Variants in SCRN1 observed in about 807,000 individuals in gnomAD.
SCRN1 encodes secernin-1.
In SCRN1, 19 loss-of-function variants were observed where a neutral mutation model predicts 43.3. That is an observed-to-expected ratio of 0.44 (90% CI 0.31 to 0.64). The LOEUF (loss-of-function observed/expected upper bound fraction) is 0.64. Ranked by LOEUF, SCRN1 falls within the 30% of genes least tolerant of loss-of-function variation. SCRN1 has a pLI of 0.09. For synonymous variants in SCRN1, 183 were observed against 188.9 expected, an observed-to-expected ratio of 0.97 and a Z score of 0.26; for missense variants, 447 against 524.1, an observed-to-expected ratio of 0.85 and a Z score of 1.44.
chr7:29,937,581 T>G (rs1228897692), intron 5 of SCRN1, among the ~76,000 whole-genome samples: 1 of 152,134 alleles, frequency 6.6e-6, no homozygotes, highest in Non-Finnish European at 1.5e-5. Context: ...TCCACCAAAC[T>G]CGCTCCCATA....
chr7:29,933,858 T>G (rs964719329), intron 6 of SCRN1, among the ~76,000 whole-genome samples: 1 of 152,186 alleles, frequency 6.6e-6, no homozygotes, highest in African/African-American at 2.4e-5. Flanking sequence ...CGTTTTTTGG[T>G]TTTAACATTA....
chr7:29,952,398 G>C (rs1787971563), intron 3 of SCRN1, among the ~76,000 whole-genome samples: 1 of 152,142 alleles, frequency 6.6e-6, no homozygotes, highest in African/African-American at 2.4e-5. Context: ...TCATTAAAAA[G>C]GAAATCTGGG....
intron 3 of SCRN1, among the ~76,000 whole-genome samples, chr7:29,954,112 T>C (rs780923627): frequency 7.2e-5 from 11 of 152,152 alleles, no homozygotes; most frequent in Non-Finnish European, 1.6e-4. Flanking sequence ...CAGTTATTGA[T>C]CACTCATTAC....
chr7:29,934,165 G>T (rs1787248061), intron 6 of SCRN1, among the ~76,000 whole-genome samples: 1 of 152,176 alleles, frequency 6.6e-6, no homozygotes, highest in Admixed American at 6.5e-5. Context: ...TTCCAGAAGG[G>T]TCTTAATCTT....
chr7:29,935,172 G>C (rs11762030), intron 6 of SCRN1, among the ~76,000 whole-genome samples: 1 of 152,148 alleles, frequency 6.6e-6, no homozygotes, highest in African/African-American at 2.4e-5. Context: ...TTGAATGAAC[G>C]AGTGAATGAA....
At chr7:29,964,856 C>T (rs566539133) in intron 2 of SCRN1, among the ~76,000 whole-genome samples, 4 of 152,142 alleles carry the variant, frequency 2.6e-5, no homozygotes, top group South Asian at 2.1e-4. Flanking sequence ...GCAAGAGCAT[C>T]GCTTGAACCC....
intron 6 of SCRN1, among the ~76,000 whole-genome samples, chr7:29,935,300 CCT>C (rs1337355108): frequency 6.6e-6 from 1 of 152,170 alleles, no homozygotes; most frequent in East Asian, 1.9e-4. Flanking sequence ...TCACTTTTCC[CCT>C]GAGTCATCTA....
At chr7:29,957,280 G>C (rs1788166208) in intron 2 of SCRN1, among the ~76,000 whole-genome samples, 1 of 152,170 alleles carries the variant, frequency 6.6e-6, no homozygotes, top group Non-Finnish European at 1.5e-5. Context: ...CTTTTGGCTG[G>C]GGAGGAAGGC....
chr7:29,978,894 G>GT (rs1372923750), intron 1 of SCRN1, among the ~76,000 whole-genome samples: 1 of 152,152 alleles, frequency 6.6e-6, no homozygotes, highest in Non-Finnish European at 1.5e-5. Flanking sequence ...ATTTATTGTC[G>GT]TGATTCATGT....
At chr7:29,927,600 G>A (rs1021758645) in intron 6 of SCRN1, among the ~76,000 whole-genome samples, 5 of 152,206 alleles carry the variant, frequency 3.3e-5, no homozygotes, top group Non-Finnish European at 5.9e-5. Flanking sequence ...GGCAGCACCT[G>A]CAATAACAGC....
chr7:29,960,755 G>C (rs1451642059), intron 2 of SCRN1, among the ~76,000 whole-genome samples: 1 of 152,114 alleles, frequency 6.6e-6, no homozygotes, highest in East Asian at 1.9e-4. Context: ...AATCCAGGAA[G>C]TTATTCCTCT....
intron 1 of SCRN1, among the ~76,000 whole-genome samples, chr7:29,975,214 A>G (rs1357525672): frequency 6.6e-6 from 1 of 152,258 alleles, no homozygotes; most frequent in Non-Finnish European, 1.5e-5. Context: ...AAAGTAGAAT[A>G]TAAGCATTTG....
Position 29,935,523 on chromosome 7 carries a change from G to T in SCRN1, c.905+1033C>A, listed in dbSNP as rs377376143. On this transcript the variant is annotated intron_variant, in intron 6 of 7. Transcript: ENST00000242059. ...AAAACACCAGAGAACCTACTGGAAT[G>T]GGCAGGCTTCTAGAGCCTTCTAGGC... 6.6e-5 allele frequency among the ~76,000 whole-genome samples: 10 copies of T among 152,228 alleles called. No homozygotes were observed. The East Asian group carries it at 9.6e-4, about 15-fold the overall frequency.
intron 1 of SCRN1, among the ~76,000 whole-genome samples, chr7:29,975,591 C>G (rs2127927728): frequency 6.6e-6 from 1 of 152,330 alleles, no homozygotes; most frequent in South Asian, 2.1e-4. Flanking sequence ...GCCAGAAACT[C>G]TAATTTTAAG....
chr7:29,952,012 G>A (rs1192049301), intron 3 of SCRN1, among the ~76,000 whole-genome samples: 3 of 152,206 alleles, frequency 2.0e-5, no homozygotes, highest in Non-Finnish European at 4.4e-5. Flanking sequence ...AGCTGTCCAG[G>A]GAGGAACTGG....
intron 3 of SCRN1, among the ~76,000 whole-genome samples, chr7:29,946,449 T>C (rs1189011257): frequency 1.3e-5 from 2 of 152,216 alleles, no homozygotes; most frequent in East Asian, 3.8e-4. Flanking sequence ...CCCAGGGCCT[T>C]TGCAGGGCCC....
At chr7:29,957,325 C>A (rs1478995311) in intron 2 of SCRN1, among the ~76,000 whole-genome samples, 1 of 152,234 alleles carries the variant, frequency 6.6e-6, no homozygotes, top group Non-Finnish European at 1.5e-5. Flanking sequence ...GAGCCCAGGC[C>A]AGCTTCAGTG....
At chr7:29,983,669 G>C (rs916667781) in intron 1 of SCRN1, among the ~76,000 whole-genome samples, 1 of 152,190 alleles carries the variant, frequency 6.6e-6, no homozygotes, top group Non-Finnish European at 1.5e-5. Context: ...GGATATGTGG[G>C]ATTAGCCAAG....
At position 29,932,651 on chromosome 7, in the gene SCRN1, C is replaced by CAAAAAAAAAAAAAAAAA. The variant is rs1162835669; in HGVS notation, c.905+3888_905+3904dup. Among the ~76,000 whole-genome samples the CAAAAAAAAAAAAAAAAA allele has an allele frequency of 1.5e-3, 12 of 8,048 alleles. 1 individual carries two copies. Among genetic ancestry groups the CAAAAAAAAAAAAAAAAA allele is most frequent in the South Asian group, 3.2e-3 (1 of 314 alleles). The allele number at this position is 8,048 out of a possible 152,430, so 5.3% of individuals were successfully genotyped here. A position where few individuals can be genotyped will look rare whatever the true frequency, so the allele number is the denominator to read the frequency against. On this transcript the variant is annotated intron_variant, in intron 6 of 7. Coordinates refer to ENST00000242059, the MANE Select transcript of SCRN1 (RefSeq NM_014766.5). ...TAGGTAACAGAGTGAGATTCCATCT[C>CAAAAAAAAAAAAAAAAA]AAAAAAAAAAAAAAAAAAAAAAAAA...
Sources: allele counts gnomAD v4.1 joint callset (sites outside exome capture counted in the v4.1 genomes callset), GRCh38; gene constraint gnomAD v4.1.1; transcripts MANE v1.5; gene names NCBI Gene and HGNC (gene_info 2026-07-23, HGNC 2026-07-21).